The following ACO2 variants were observed in gnomAD, a reference collection of about 807,000 sequenced individuals.
The protein encoded by ACO2 is aconitase 2, also known as aconitate hydratase, mitochondrial.
A neutral mutation model predicts 84.5 loss-of-function variants in ACO2; 31 were observed. The observed-to-expected ratio is 0.37, with a 90% confidence interval of 0.28 to 0.50. The LOEUF (loss-of-function observed/expected upper bound fraction) is 0.50. ACO2 is among the 20% of genes least tolerant of loss of function. The pLI, the probability that ACO2 is intolerant of heterozygous loss-of-function variation, is 0.97. For synonymous variants in ACO2, 414 were observed against 412.7 expected, an observed-to-expected ratio of 1.00 and a Z score of -0.04; for missense variants, 685 against 1,029.3, an observed-to-expected ratio of 0.67 and a Z score of 4.58.
At chr22:41,513,908 C>T (rs1286133847) in intron 4 of ACO2, among the ~76,000 whole-genome samples, 1 of 142,488 alleles carries the variant, frequency 7.0e-6, no homozygotes, top group East Asian at 1.9e-4. Context: ...TCTGCCTGAC[C>T]TCTCCCCCTG....
At chr22:41,472,368 A>G (rs1178549001) in intron 1 of ACO2, among the ~76,000 whole-genome samples, 1 of 152,046 alleles carries the variant, frequency 6.6e-6, no homozygotes, top group African/African-American at 2.4e-5. Flanking sequence ...AAAAAAAAAA[A>G]AATTGCCTGG....
At chr22:41,494,505 G>A (rs926494983) in intron 1 of ACO2, among the ~76,000 whole-genome samples, 12 of 150,414 alleles carry the variant, frequency 8.0e-5, no homozygotes, top group Middle Eastern at 3.4e-3. Flanking sequence ...TCCACTTCCC[G>A]GGTTCAAGCG....
rs774582133 is a variant in ACO2, at chr22:41,528,445, A to ACCACTT, written c.2209-29_2209-24dup. The stretch of plus-strand genomic sequence containing the variant: ...GCGGGGCCAAGGGCACACAGTACCC[A>ACCACTT]CCACTTCCACCCACACCCACCTTCT... On this transcript the variant is annotated intron_variant, in intron 17 of 17. Transcript: ENST00000216254. 221 of 1,608,300 alleles carry ACCACTT rather than the reference A, an allele frequency of 1.4e-4. 1 individual carries two copies. Among genetic ancestry groups the ACCACTT allele is most frequent in the Admixed American group, 2.2e-4 (13 of 59,780 alleles).
At chr22:41,518,786 A>C (rs1007891511) in intron 8 of ACO2, among the ~76,000 whole-genome samples, 1 of 152,060 alleles carries the variant, frequency 6.6e-6, no homozygotes, top group Non-Finnish European at 1.5e-5. Flanking sequence ...AAAAAAAAAA[A>C]AATACAAAAA....
At chr22:41,492,415 T>C (rs111910256) in intron 1 of ACO2, among the ~76,000 whole-genome samples, 3 of 152,124 alleles carry the variant, frequency 2.0e-5, no homozygotes, top group African/African-American at 7.2e-5. Flanking sequence ...GGCAGGCGGA[T>C]CACCTGAGGT....
At position 41,515,862 on chromosome 22, in the gene ACO2, C is replaced by A. The variant is rs1305408522; in HGVS notation, c.780C>A (p.Gly260=). The A allele has an allele frequency of 5.6e-6, 9 of 1,614,108 alleles. No individual in the cohort carries two copies. Among genetic ancestry groups the A allele is most frequent in the Non-Finnish European group, 7.6e-6 (9 of 1,180,048 alleles). Residue 260 remains glycine (G), a synonymous_variant, in exon 6 of 18, where the codon GGC becomes GGA. Coordinates refer to ENST00000216254, the MANE Select transcript of ACO2 (RefSeq NM_001098.3). The surrounding 1 kb of genome is among the most constrained non-coding windows in gnomAD (Gnocchi z 5.8). ...KVAGILTVKG[G]TGAIVEYHGP... is the part of the protein sequence containing the mutation. ...CAGGCATCCTCACGGTGAAAGGTGG[C>A]ACAGGTGCAATCGTGGAATACCACG...
intron 3 of ACO2, 143 bp downstream of exon 3, chr22:41,508,192 T>G: frequency 8.9e-7 from 1 of 1,123,350 alleles, no homozygotes; most frequent in Non-Finnish European, 1.3e-6. Context: ...TGATTTTACT[T>G]GTTTCTCTTT....
chr22:41,475,592 G>A (rs1757998059), intron 1 of ACO2, among the ~76,000 whole-genome samples: 1 of 152,022 alleles, frequency 6.6e-6, no homozygotes, highest in Admixed American at 6.6e-5. Flanking sequence ...ACTTCTTGTA[G>A]CCTTTAAAAA....
At chr22:41,526,574 A>T (rs2066601510) in intron 15 of ACO2, 121 bp downstream of exon 15, 2 of 1,156,698 alleles carry the variant, frequency 1.7e-6, no homozygotes, top group Non-Finnish European at 2.4e-6. Flanking sequence ...CCCAAAGGGG[A>T]CTGCTGTGGA....
At chr22:41,497,484 T>G (rs1428083918) in intron 1 of ACO2, among the ~76,000 whole-genome samples, 1 of 152,202 alleles carries the variant, frequency 6.6e-6, no homozygotes, top group East Asian at 1.9e-4. Context: ...GGCTCATGCC[T>G]GTAATCTCTG....
chr22:41,520,066 C>T lies in ACO2; in HGVS notation c.1033-105C>T, dbSNP rs1601922210. ...GATGAGGTTTCAGTCAAGAGAAAGT[C>T]GTTGGCCTCTCTGTGGGGACGTGGT... On this transcript the variant is annotated intron_variant, in intron 8 of 17. Transcript: ENST00000216254. 16 of 932,514 alleles carry T rather than the reference C, an allele frequency of 1.7e-5. No homozygotes were observed. In the South Asian group the frequency reaches 2.2e-4, roughly 13 times the overall value. The allele number at this position is 932,514 out of a possible 1,614,324, so 57.8% of individuals were successfully genotyped here. A position where few individuals can be genotyped will look rare whatever the true frequency, so the allele number is the denominator to read the frequency against.
At chr22:41,499,061 C>T (rs1002350641) in intron 1 of ACO2, among the ~76,000 whole-genome samples, 1 of 150,448 alleles carries the variant, frequency 6.6e-6, no homozygotes, top group African/African-American at 2.5e-5. Flanking sequence ...CCCACCACTG[C>T]ACTCCCACCT....
In ACO2 at chr22:41,492,843, C is replaced by T. The variant is rs2066281851; in HGVS notation, c.37-6883C>T. Among the ~76,000 whole-genome samples the T allele has an allele frequency of 3.9e-5, 6 of 152,292 alleles. No individual in the cohort carries two copies. The South Asian group carries it at 1.0e-3, about 26-fold the overall frequency. ...CCTGTAATCCCAGCTACTCAGGAGG[C>T]TGAGGCGGAAGAATATCTTGAACCT... On this transcript the variant is annotated intron_variant, in intron 1 of 17. Coordinates refer to ENST00000216254, the MANE Select transcript of ACO2 (RefSeq NM_001098.3).
chr22:41,500,348 GTATATA>G (rs1169078365), intron 2 of ACO2, among the ~76,000 whole-genome samples: 1 of 146,510 alleles, frequency 6.8e-6, no homozygotes, highest in East Asian at 1.9e-4. Flanking sequence ...TTGAGGCAGA[GTATATA>G]TATATTTATA....
At chr22:41,511,373 T>C (rs1275785496) in intron 3 of ACO2, among the ~76,000 whole-genome samples, 1 of 152,210 alleles carries the variant, frequency 6.6e-6, no homozygotes, top group Non-Finnish European at 1.5e-5. Context: ...GGTTTCGCCA[T>C]GTTGGCCAGG....
At chr22:41,496,326 TAAAAG>T (rs1333342679) in intron 1 of ACO2, among the ~76,000 whole-genome samples, 1 of 151,914 alleles carries the variant, frequency 6.6e-6, no homozygotes, top group African/African-American at 2.4e-5. Context: ...AAAAAAAAAG[TAAAAG>T]AAGAAGAGTT....
intron 1 of ACO2, among the ~76,000 whole-genome samples, chr22:41,495,394 G>T (rs1444727726): frequency 6.6e-6 from 1 of 152,046 alleles, no homozygotes; most frequent in Non-Finnish European, 1.5e-5. Flanking sequence ...CCGGTCTCAA[G>T]CAATCTTCCT....
chr22:41,469,214 G>C, intron 1 of ACO2, 32 bp downstream of exon 1: 4 of 1,602,174 alleles, frequency 2.5e-6, no homozygotes, highest in Non-Finnish European at 3.4e-6. Flanking sequence ...TGGGTTCACG[G>C]GGGCGGGGTG....
intron 1 of ACO2, among the ~76,000 whole-genome samples, chr22:41,488,596 TTC>T (rs1466494762): frequency 6.6e-6 from 1 of 152,164 alleles, no homozygotes; most frequent in African/African-American, 2.4e-5. Context: ...CTCATGTGCG[TTC>T]TGGGGCAACA....
Sources: allele counts gnomAD v4.1 joint callset (sites outside exome capture counted in the v4.1 genomes callset), GRCh38; gene constraint gnomAD v4.1.1; non-coding constraint Gnocchi (gnomAD v3.1); transcripts MANE v1.5; gene names NCBI Gene and HGNC (gene_info 2026-07-23, HGNC 2026-07-21).